IGFBP7: variants seen among roughly 807,000 people sequenced by gnomAD.
IGFBP7 encodes the protein insulin like growth factor binding protein 7.
A neutral mutation model predicts 29.4 loss-of-function variants in IGFBP7; 31 were observed. The ratio of observed to expected loss-of-function variants is 1.05; its 90% CI spans 0.79 to 1.42. IGFBP7 has a LOEUF of 1.42. Among genes scored for constraint, IGFBP7 ranks in the 40% most tolerant of loss-of-function variants. The pLI is 0.00. For synonymous variants in IGFBP7, 172 were observed against 174.9 expected (o/e 0.98, Z 0.13); for missense variants, 393 against 395.5 (o/e 0.99, Z 0.05).
intron 1 of IGFBP7, among the ~76,000 whole-genome samples, chr4:57,098,479 C>T (rs1352298524): frequency 6.6e-6 from 1 of 152,130 alleles, no homozygotes; most frequent in East Asian, 1.9e-4. Context: ...CCTGCCCTGC[C>T]AGTTATTTTC....
intron 1 of IGFBP7, among the ~76,000 whole-genome samples, chr4:57,082,966 T>C (rs1463669520): frequency 6.6e-6 from 1 of 152,212 alleles, no homozygotes; most frequent in East Asian, 1.9e-4. Context: ...CCATGTATTA[T>C]GTATTAGCTT....
chr4:57,040,762 C>T, intron 2 of IGFBP7, 62 bp downstream of exon 2: 1 of 1,167,914 alleles, frequency 8.6e-7, no homozygotes, highest in Non-Finnish European at 1.3e-6. Flanking sequence ...GTTTTACCAT[C>T]CTTGTGCAGT....
rs372785207 is a variant in IGFBP7, at chr4:57,110,036, C to T, written c.316G>A (p.Gly106Ser). The change falls in exon 1 of 5, where the codon GGT becomes AGT. Residue 106 changes from glycine (G) to serine (S), a missense_variant. Physicochemically the swap from Gly to Ser is moderately conservative, Grantham distance 56. Transcript: ENST00000295666. ...GKAGAAAGGP[G>S]VSGVCVCKSR... ...TTGCACACGCACACGCCGCTTACAC[C>T]CGGACCGCCGGCTGCTGCCCCGGCT... 6.5e-5 allele frequency: 101 copies of T among 1,558,148 alleles called. 1 individual carries two copies. In the African/African-American group the frequency reaches 9.8e-4, roughly 15 times the overall value.
intron 2 of IGFBP7, among the ~76,000 whole-genome samples, chr4:57,036,119 G>A (rs942289557): frequency 1.3e-5 from 2 of 152,222 alleles, no homozygotes; most frequent in Non-Finnish European, 2.9e-5. Context: ...CGTAGCTGTT[G>A]AGAAGCAGAC....
At chr4:57,060,564 A>T (rs1405013726) in intron 1 of IGFBP7, among the ~76,000 whole-genome samples, 2 of 152,118 alleles carry the variant, frequency 1.3e-5, no homozygotes, top group Non-Finnish European at 2.9e-5. Flanking sequence ...CAGTTACCCC[A>T]GTTCGTTATC....
chr4:57,093,271 C>A (rs142625338), intron 1 of IGFBP7, among the ~76,000 whole-genome samples: 1 of 152,140 alleles, frequency 6.6e-6, no homozygotes, highest in East Asian at 1.9e-4. Flanking sequence ...GAGACCGAGG[C>A]GGGCGGATCA....
chr4:57,064,157 G>A (rs1408136016), intron 1 of IGFBP7, among the ~76,000 whole-genome samples: 2 of 152,092 alleles, frequency 1.3e-5, no homozygotes, highest in African/African-American at 2.4e-5. Context: ...TGGGCAACAC[G>A]GTGAAACCCC....
At chr4:57,031,466 A>C in intron 4 of IGFBP7, 130 bp from the exon 5 acceptor site, 1 of 702,560 alleles carries the variant, frequency 1.4e-6, no homozygotes, top group South Asian at 1.6e-5. Context: ...ATATATGAGT[A>C]ATTGTATAAA....
chr4:57,073,249 T>C (rs1360790782), intron 1 of IGFBP7: 3 of 604,342 alleles, frequency 5.0e-6, no homozygotes, highest in African/African-American at 1.9e-5. Flanking sequence ...ATTATTATTA[T>C]TATTATTAGT....
At chr4:57,074,104 A>G (rs532785243) in intron 1 of IGFBP7, among the ~76,000 whole-genome samples, 1 of 151,942 alleles carries the variant, frequency 6.6e-6, no homozygotes, top group Non-Finnish European at 1.5e-5. Context: ...TGTGTCACCC[A>G]GGCTGGAGTG....
At chr4:57,033,145 G>T in intron 3 of IGFBP7, 50 bp downstream of exon 3, 1 of 1,292,748 alleles carries the variant, frequency 7.7e-7, no homozygotes, top group East Asian at 2.3e-5. Context: ...GTCTGCTTAT[G>T]TCTAATGCTA....
intron 1 of IGFBP7, among the ~76,000 whole-genome samples, chr4:57,109,183 C>T (rs939169595): frequency 6.6e-6 from 1 of 152,056 alleles, no homozygotes; most frequent in African/African-American, 2.4e-5. Flanking sequence ...TGCCTGTAAT[C>T]CCAGCAGGCC....
intron 1 of IGFBP7, among the ~76,000 whole-genome samples, chr4:57,099,524 A>G (rs1725840905): frequency 6.6e-6 from 1 of 152,186 alleles, no homozygotes; most frequent in Admixed American, 6.5e-5. Context: ...GGTGAAAGCA[A>G]ATACTTGAGC....
intron 1 of IGFBP7, among the ~76,000 whole-genome samples, chr4:57,068,136 G>A (rs1308508107): frequency 6.6e-6 from 1 of 152,028 alleles, no homozygotes; most frequent in Admixed American, 6.6e-5. Context: ...AGACCAGCCT[G>A]GGCAACAGCC....
intron 1 of IGFBP7, among the ~76,000 whole-genome samples, chr4:57,094,228 T>C (rs1285252924): frequency 6.6e-6 from 1 of 152,182 alleles, no homozygotes; most frequent in East Asian, 1.9e-4. Flanking sequence ...GGAATTATTA[T>C]AATTTTCCAC....
chr4:57,043,703 A>G (rs910699934), intron 1 of IGFBP7, among the ~76,000 whole-genome samples: 11 of 152,320 alleles, frequency 7.2e-5, no homozygotes, highest in African/African-American at 2.6e-4. Context: ...TCTGAATAGG[A>G]AGCATATATC....
chr4:57,033,192 C>T lies in IGFBP7; in HGVS notation c.702+3G>A, dbSNP rs112021995. On this transcript the variant is annotated splice_donor_region_variant and intron_variant, in intron 3 of 4. Coordinates refer to ENST00000295666, the MANE Select transcript of IGFBP7 (RefSeq NM_001553.3). Reference sequence around the variant, plus strand: ...CTTGCCAGCTCTTGGTACTGGTACTCACCAGCACCCAGCCAGTTACTTCAT... The same window carrying T: ...CTTGCCAGCTCTTGGTACTGGTACTTACCAGCACCCAGCCAGTTACTTCAT... The T allele has an allele frequency of 6.3e-7, 1 of 1,583,596 alleles. No homozygotes were observed. Among genetic ancestry groups the T allele is most frequent in the Non-Finnish European group, 8.7e-7 (1 of 1,152,070 alleles).
In IGFBP7 at chr4:57,030,949, T is replaced by G; in HGVS notation, c.*368A>C. 1.2e-6 allele frequency: 2 copies of G among 1,608,466 alleles called. No homozygotes were observed. Among genetic ancestry groups the G allele is most frequent in the Non-Finnish European group, 1.7e-6 (2 of 1,174,822 alleles). On this transcript the variant is annotated 3_prime_UTR_variant, in exon 5 of 5. Coordinates refer to ENST00000295666, the MANE Select transcript of IGFBP7 (RefSeq NM_001553.3). ...CATGCAAACTATTGTTTCAGGAACT[T>G]ATGTCTATGAGTATTGCACCGCGAA...
intron 1 of IGFBP7, among the ~76,000 whole-genome samples, chr4:57,077,033 C>T (rs1725243301): frequency 1.3e-5 from 2 of 152,054 alleles, no homozygotes; most frequent in Admixed American, 6.6e-5. Flanking sequence ...GCTAACCTCA[C>T]TAGTACTGAA....
Sources: allele counts gnomAD v4.1 joint callset (sites outside exome capture counted in the v4.1 genomes callset), GRCh38; gene constraint gnomAD v4.1.1; transcripts MANE v1.5; gene names NCBI Gene and HGNC (gene_info 2026-07-23, HGNC 2026-07-21).